The following CEP57 variants were observed in gnomAD, a reference collection of about 807,000 sequenced individuals.
CEP57 encodes the protein centrosomal protein 57.
In CEP57, 40 loss-of-function variants were observed where a neutral mutation model predicts 68.0. The ratio of observed to expected loss-of-function variants is 0.59; its 90% CI spans 0.46 to 0.77. The LOEUF (loss-of-function observed/expected upper bound fraction) is 0.77, where lower values mean the gene tolerates loss of function less well. Ranked by LOEUF, CEP57 falls within the 30% of genes least tolerant of loss-of-function variation. The pLI, the probability that CEP57 is intolerant of heterozygous loss-of-function variation, is 0.00. For missense variants in CEP57, 606 were observed against 580.7 expected, an observed-to-expected ratio of 1.04 and a Z score of -0.45; for synonymous variants, 219 against 198.7, an observed-to-expected ratio of 1.10 and a Z score of -0.86.
At position 95,791,681 on chromosome 11, in the gene CEP57, A is replaced by T. The variant is rs181057509; in HGVS notation, c.45+938A>T. On this transcript the variant is annotated intron_variant, in intron 1 of 10. Coordinates refer to ENST00000325542, the MANE Select transcript of CEP57 (RefSeq NM_014679.5). ...AATAATCTAGAGGGGAGTGATTAAC[A>T]GTGCTTGGGTAGGCTAGAGAAGGTT... Among the ~76,000 whole-genome samples the T allele has an allele frequency of 1.7e-3, 259 of 152,324 alleles. 4 individuals carry two copies. Among genetic ancestry groups the T allele is most frequent in the African/African-American group, 5.8e-3 (243 of 41,584 alleles).
chr11:95,796,096 A>T (rs1861337501), intron 1 of CEP57, among the ~76,000 whole-genome samples: 1 of 152,182 alleles, frequency 6.6e-6, no homozygotes, highest in South Asian at 2.1e-4. Flanking sequence ...ACTGTTTTGT[A>T]TTTGAGTTTT....
Position 95,813,479 on chromosome 11 carries a change from C to G in CEP57, c.394C>G (p.Gln132Glu). The change falls in exon 4 of 11, where the codon CAG (glutamine) becomes GAG (glutamate). Residue 132 changes from glutamine (Q) to glutamate (E), a missense_variant. By Grantham distance (29) the Gln-to-Glu change is conservative. Coordinates refer to ENST00000325542, the MANE Select transcript of CEP57 (RefSeq NM_014679.5). The stretch of plus-strand genomic sequence containing the variant: ...TGTATTCTTTTTAGAACTGACATCT[C>G]AGTTGTTAGCTGCAGAAAATAAATG... The part of the protein sequence containing the change: ...ESKHNQELTS[Q>E]LLAAENKCNL... 1 of 1,611,970 alleles carries G rather than the reference C, an allele frequency of 6.2e-7. No individual in the cohort carries two copies.
chr11:95,806,409 G>A (rs1348172906), intron 2 of CEP57, among the ~76,000 whole-genome samples: 3 of 152,164 alleles, frequency 2.0e-5, no homozygotes, highest in African/African-American at 4.8e-5. Flanking sequence ...AGTATGAGCC[G>A]AAGCAGGGCA....
At position 95,790,592 on chromosome 11, in the gene CEP57, G is replaced by T. The variant is rs1591036052; in HGVS notation, c.-107G>T. On this transcript the variant is annotated 5_prime_UTR_variant, in exon 1 of 11. Coordinates refer to ENST00000325542, the MANE Select transcript of CEP57 (RefSeq NM_014679.5). ...CAGCACCCTTGCCCTTTTCCATCAG[G>T]GGTTCAGCCTAGGGTCCCCGCTGGT... The T allele has an allele frequency of 7.3e-7, 1 of 1,362,180 alleles. No homozygotes were observed. The highest frequency in any genetic ancestry group is 2.5e-5 in the East Asian group (1 of 40,370). The allele number at this position is 1,362,180 out of a possible 1,614,324, so 84.4% of individuals were successfully genotyped here.
At chr11:95,822,347 A>C (rs1343363814) in intron 7 of CEP57, 152 bp from the exon 8 acceptor site, 5 of 659,640 alleles carry the variant, frequency 7.6e-6, no homozygotes, top group Admixed American at 2.3e-5. Flanking sequence ...GCTAACAAGT[A>C]CTATTAGGAG....
intron 2 of CEP57, among the ~76,000 whole-genome samples, chr11:95,800,848 C>T (rs1274463148): frequency 2.0e-5 from 3 of 152,148 alleles, no homozygotes; most frequent in Non-Finnish European, 1.5e-5. Context: ...GATGTTTCTT[C>T]ATCTGTATCT....
intron 4 of CEP57, among the ~76,000 whole-genome samples, chr11:95,817,228 G>A (rs1241073159): frequency 2.0e-5 from 3 of 151,904 alleles, no homozygotes; most frequent in Non-Finnish European, 2.9e-5. Context: ...TTAGCCGGGC[G>A]TGGTGGCGGG....
chr11:95,831,092 GA>G lies in CEP57; in HGVS notation c.1342del (p.Arg448GlufsTer19), dbSNP rs1862987286. 1 of 1,613,372 alleles carries G rather than the reference GA, an allele frequency of 6.2e-7. No homozygotes were observed. The highest frequency in any genetic ancestry group is 8.5e-7 in the Non-Finnish European group (1 of 1,179,668). ...LKATKKTLDE[E>X]RNSSSRSGIT... ...AGCTACCAAAAAGACTCTTGATGAA[GA>G]AAGAAACAGCAGCAGCCGTTCTGGA... On this transcript the variant is annotated frameshift_variant, in exon 11 of 11. Coordinates refer to ENST00000325542, the MANE Select transcript of CEP57 (RefSeq NM_014679.5). LOFTEE classifies it high-confidence loss of function.
rs1188447916 is a variant in CEP57 at position 95,822,523 on chromosome 11, G to A, written c.832G>A (p.Ala278Thr). Residue 278 changes from alanine (A) to threonine (T), a missense_variant, in exon 8 of 11, where the codon GCA (alanine) becomes ACA (threonine). Physicochemically the swap from Ala to Thr is moderately conservative, Grantham distance 58. Coordinates refer to ENST00000325542, the MANE Select transcript of CEP57 (RefSeq NM_014679.5). ...GAAAAGTTCTAGGAACTATTTTGGTGCACAACCACATTATAGATTATGCTT... is the reference window on the plus strand; with the variant it reads ...GAAAAGTTCTAGGAACTATTTTGGTACACAACCACATTATAGATTATGCTT... ...EKKSSRNYFG[A>T]QPHYRLCLGD... The A allele has an allele frequency of 1.2e-6, 2 of 1,613,492 alleles. No individual in the cohort carries two copies. The highest frequency in any genetic ancestry group is 1.7e-6 in the Non-Finnish European group (2 of 1,179,628).
intron 2 of CEP57, among the ~76,000 whole-genome samples, chr11:95,802,543 G>T (rs764338100): frequency 6.6e-6 from 1 of 152,098 alleles, no homozygotes; most frequent in Admixed American, 6.5e-5. Context: ...GTGAGCCACC[G>T]TGCCTGGCAA....
chr11:95,831,246 G>T lies in CEP57; in HGVS notation c.1493G>T (p.Trp498Leu). ...TCATTACAAAGCAGTAGTTTGTGTTGGGATTACTGACTCATAACCAGGTCA... is the reference window on the plus strand; with the variant it reads ...TCATTACAAAGCAGTAGTTTGTGTTTGGATTACTGACTCATAACCAGGTCA... ...QNSLQSSSLCWDY is the reference protein window; with the variant it reads ...QNSLQSSSLCLDY The change falls in exon 11 of 11, where the codon TGG (tryptophan) becomes TTG (leucine). Residue 498 changes from tryptophan to leucine, a missense_variant. By Grantham distance (61) the Trp-to-Leu change is moderately conservative. Coordinates refer to ENST00000325542, the MANE Select transcript of CEP57 (RefSeq NM_014679.5). The T allele has an allele frequency of 6.2e-7, 1 of 1,610,016 alleles. No individual in the cohort carries two copies. The highest frequency in any genetic ancestry group is 8.5e-7 in the Non-Finnish European group (1 of 1,176,560).
intron 8 of CEP57, chr11:95,826,180 G>A (rs1441099944): frequency 1.3e-5 from 2 of 152,060 alleles, no homozygotes; most frequent in African/African-American, 4.8e-5. Flanking sequence ...AAGATAATGG[G>A]GATGAAGGCC....
intron 1 of CEP57, among the ~76,000 whole-genome samples, chr11:95,795,012 T>C (rs1861280772): frequency 6.6e-6 from 1 of 152,198 alleles, no homozygotes; most frequent in South Asian, 2.1e-4. Context: ...TTTGTTGTAT[T>C]TGTCTCTCCT....
intron 2 of CEP57, among the ~76,000 whole-genome samples, chr11:95,806,959 G>C (rs758740085): frequency 6.6e-6 from 1 of 152,166 alleles, no homozygotes; most frequent in Non-Finnish European, 1.5e-5. Flanking sequence ...CTAACTGGGA[G>C]ATACCTCCCA....
intron 1 of CEP57, among the ~76,000 whole-genome samples, chr11:95,793,270 T>A (rs681876): frequency 2.0e-5 from 3 of 152,192 alleles, no homozygotes; most frequent in African/African-American, 7.2e-5. Context: ...CAACTATGAT[T>A]GGGCATAATG....
chr11:95,797,272 T>G lies in CEP57; in HGVS notation c.46-1960T>G, dbSNP rs193241368. ...ACCTCCACCTCCTGGGTTCAAGTGA[T>G]TCTCCTGCCTTGGCTTCCTGAGTAG... On this transcript the variant is annotated intron_variant, in intron 1 of 10. Transcript: ENST00000325542. Among the ~76,000 whole-genome samples the G allele has an allele frequency of 1.4e-3, 214 of 151,134 alleles. 1 individual carries two copies. Among genetic ancestry groups the G allele is most frequent in the African/African-American group, 5.1e-3 (211 of 41,242 alleles).
At chr11:95,799,634 A>G (rs1483506550) in intron 2 of CEP57, among the ~76,000 whole-genome samples, 1 of 152,210 alleles carries the variant, frequency 6.6e-6, no homozygotes, top group Admixed American at 6.5e-5. Flanking sequence ...CCCCACTATT[A>G]GTCCGGAATG....
At chr11:95,807,612 G>T (rs1861864263) in intron 2 of CEP57, among the ~76,000 whole-genome samples, 1 of 152,078 alleles carries the variant, frequency 6.6e-6, no homozygotes, top group Non-Finnish European at 1.5e-5. Context: ...TGGAAGAAAG[G>T]GTATCTGTGA....
At chr11:95,807,128 A>G (rs1861838363) in intron 2 of CEP57, among the ~76,000 whole-genome samples, 1 of 152,170 alleles carries the variant, frequency 6.6e-6, no homozygotes, top group Admixed American at 6.5e-5. Context: ...ACCTCCAGCA[A>G]TCTCCAACAG....
Sources: gnomAD v4.1 joint callset for allele counts (sites outside exome capture counted in the v4.1 genomes callset) on GRCh38, gnomAD v4.1.1 for gene constraint, MANE v1.5 for transcripts, NCBI Gene and HGNC (gene_info 2026-07-23, HGNC 2026-07-21) for gene names.